Variants in SLC9A3 observed in about 807,000 individuals in gnomAD.
SLC9A3 encodes sodium/hydrogen exchanger 3.
SLC9A3 carries 37 observed loss-of-function variants against 86.8 expected under a neutral mutation model. That is an observed-to-expected ratio of 0.43 (90% CI 0.33 to 0.56). The LOEUF is 0.56. Among genes scored for constraint, SLC9A3 ranks in the 20% least tolerant of loss-of-function variants. SLC9A3 has a pLI of 0.06. For missense variants in SLC9A3, 1,011 were observed against 1,171.9 expected, an observed-to-expected ratio of 0.86 and a Z score of 2.00; for synonymous variants, 581 against 528.3, an observed-to-expected ratio of 1.10 and a Z score of -1.37.
chr5:479,982 T>G lies in SLC9A3; in HGVS notation c.1518-17A>C. On this transcript the variant is annotated splice_polypyrimidine_tract_variant and intron_variant, in intron 9 of 16. Transcript: ENST00000264938. ...TGGGACCACCTGTAGGGACAGACCT[T>G]GGGTGTGAGCCTCAGGTGACAGGCG... 1 of 1,609,814 alleles carries G rather than the reference T, an allele frequency of 6.2e-7. No homozygotes were observed. Among genetic ancestry groups the G allele is most frequent in the Non-Finnish European group, 8.5e-7 (1 of 1,176,980 alleles).
At chr5:484,423 G>C (rs1305075811) in intron 5 of SLC9A3, 97 bp downstream of exon 5, 1 of 983,142 alleles carries the variant, frequency 1.0e-6, no homozygotes, top group Non-Finnish European at 1.5e-6. Context: ...GCTCGGGTTG[G>C]GGTCCCCCTG....
intron 7 of SLC9A3, 47 bp downstream of exon 7, chr5:482,501 C>A: frequency 1.3e-6 from 2 of 1,512,040 alleles, no homozygotes; most frequent in South Asian, 1.2e-5. Flanking sequence ...CCAGGCTCCC[C>A]TCGCGGGCGG....
rs1474299064 is a variant in SLC9A3, at chr5:475,672, C to G, written c.2141-1G>C. 3.3e-6 allele frequency: 5 copies of G among 1,528,644 alleles called. No individual in the cohort carries two copies. The highest frequency in any genetic ancestry group is 3.6e-6 in the Non-Finnish European group (4 of 1,125,842). The allele number at this position is 1,528,644 out of a possible 1,614,324, so 94.7% of individuals were successfully genotyped here. ...TCCTCGGTGTCTGAAAGTTCCAAGT[C>G]TGGGGAAGACAGGTTGGGGTGAGGA... On this transcript the variant is annotated splice_acceptor_variant, in intron 14 of 16. Coordinates refer to ENST00000264938, the MANE Select transcript of SLC9A3 (RefSeq NM_004174.4). LOFTEE classifies it high-confidence loss of function.
rs1738314092 is a variant in SLC9A3, at chr5:470,793, A to ACTG, written c.*2585_*2586insCAG. 6.6e-6 allele frequency: 1 copy of ACTG among 152,514 alleles called. No homozygotes were observed. Among genetic ancestry groups the ACTG allele is most frequent in the Non-Finnish European group, 1.5e-5 (1 of 68,040 alleles). 9.4% of individuals were successfully genotyped at this position (152,514 alleles called of 1,614,324 possible). A position where few individuals can be genotyped will look rare whatever the true frequency, so the allele number is the denominator to read the frequency against. ...CTGTAACAAAATTATTTTTGAGAAA[A>ACTG]TACAGAAGTGAGAAATAGTGATTTC... On this transcript the variant is annotated 3_prime_UTR_variant, in exon 17 of 17. Transcript: ENST00000264938.
At chr5:507,026 G>A (rs998737359) in intron 1 of SLC9A3, among the ~76,000 whole-genome samples, 1 of 150,758 alleles carries the variant, frequency 6.6e-6, no homozygotes, top group Non-Finnish European at 1.5e-5. Context: ...AGCCGAGATC[G>A]AGATTGGGCC....
chr5:493,898 G>C (rs994553044), intron 1 of SLC9A3, among the ~76,000 whole-genome samples: 3 of 152,334 alleles, frequency 2.0e-5, no homozygotes, highest in African/African-American at 7.2e-5. Context: ...GGGTTGGCCC[G>C]GGGAGGCTGG....
chr5:508,367 G>A (rs544489607), intron 1 of SLC9A3, among the ~76,000 whole-genome samples: 119 of 128,172 alleles, frequency 9.3e-4, no homozygotes, highest in Non-Finnish European at 1.8e-3. Context: ...CAGCGCGCCC[G>A]GGGATGGAGA....
intron 11 of SLC9A3, 76 bp downstream of exon 11, chr5:477,256 C>A: frequency 9.3e-7 from 1 of 1,075,788 alleles, no homozygotes; most frequent in Non-Finnish European, 1.4e-6. Context: ...CAGGAGCCAC[C>A]ACAGCCCTGT....
At position 497,857 on chromosome 5, in the gene SLC9A3, C is replaced by T. The variant is rs1389318963; in HGVS notation, c.212-5786G>A. Among the ~76,000 whole-genome samples, 1 of 114,450 alleles carries T rather than the reference C, an allele frequency of 8.7e-6. No individual in the cohort carries two copies. Among genetic ancestry groups the T allele is most frequent in the Non-Finnish European group, 1.8e-5 (1 of 55,274 alleles). 75.1% of individuals were successfully genotyped at this position (114,450 alleles called of 152,430 possible). A position where few individuals can be genotyped will look rare whatever the true frequency, so the allele number is the denominator to read the frequency against. On this transcript the variant is annotated intron_variant, in intron 1 of 16. Coordinates refer to ENST00000264938, the MANE Select transcript of SLC9A3 (RefSeq NM_004174.4). The surrounding 1 kb of genome is among the most constrained non-coding windows in gnomAD (Gnocchi z 5.4). ...CCTCTGCCCCTGTCCCGGGTGGGGTCGCCCGGCCGCATCCCCAGCCTCTGC... is the reference window on the plus strand; with the variant it reads ...CCTCTGCCCCTGTCCCGGGTGGGGTTGCCCGGCCGCATCCCCAGCCTCTGC...
At position 494,874 on chromosome 5, in the gene SLC9A3, G is replaced by T. The variant is rs1031840539; in HGVS notation, c.212-2803C>A. Among the ~76,000 whole-genome samples the T allele has an allele frequency of 3.1e-4, 47 of 152,214 alleles. 1 individual carries two copies. The highest frequency in any genetic ancestry group is 2.2e-4 in the Non-Finnish European group (15 of 68,034). ...CCCAGGCCGCTGTTTTCTACACGAT[G>T]CACGTTCTTTGCCTCTGCCCACGTC... On this transcript the variant is annotated intron_variant, in intron 1 of 16. Transcript: ENST00000264938.
chr5:511,602 C>T (rs189042320), intron 1 of SLC9A3, among the ~76,000 whole-genome samples: 1 of 152,374 alleles, frequency 6.6e-6, no homozygotes, highest in Non-Finnish European at 1.5e-5. Flanking sequence ...CCACCACGTA[C>T]CCGTCAGCGT....
At chr5:486,885 C>T (rs1273689507) in intron 3 of SLC9A3, among the ~76,000 whole-genome samples, 4 of 139,534 alleles carry the variant, frequency 2.9e-5, no homozygotes, top group African/African-American at 1.1e-4. Flanking sequence ...TGACACCCAC[C>T]GCACTGACAC....
At chr5:520,080 G>A (rs1332156485) in intron 1 of SLC9A3, among the ~76,000 whole-genome samples, 1 of 151,674 alleles carries the variant, frequency 6.6e-6, no homozygotes, top group Non-Finnish European at 1.5e-5. Context: ...CCACTGTCCT[G>A]GTTTCCCCGT....
In SLC9A3 at chr5:482,046, CGCCCCCCA is replaced by C; in HGVS notation, c.1446+14_1446+21del. ...CGAGGAACACGCAGTGCCCCCCCCC[CGCCCCCCA>C]GCCCCGCACTTACGCGCCCGTGCAG... On this transcript the variant is annotated intron_variant, in intron 8 of 16. Coordinates refer to ENST00000264938, the MANE Select transcript of SLC9A3 (RefSeq NM_004174.4). The C allele has an allele frequency of 1.4e-6, 1 of 701,680 alleles. No individual in the cohort carries two copies. The highest frequency in any genetic ancestry group is 3.1e-5 in the East Asian group (1 of 31,968). The allele number at this position is 701,680 out of a possible 1,614,324, so 43.5% of individuals were successfully genotyped here. A position where few individuals can be genotyped will look rare whatever the true frequency, so the allele number is the denominator to read the frequency against.
Position 491,526 on chromosome 5 carries a change from G to A in SLC9A3, c.514+243C>T, listed in dbSNP as rs1579793730. On this transcript the variant is annotated intron_variant, in intron 2 of 16. Transcript: ENST00000264938. The surrounding 1 kb of genome is among the most constrained non-coding windows in gnomAD (Gnocchi z 9.2). The stretch of plus-strand genomic sequence containing the variant: ...GAGCGGCAGCCCCTGGCCACCTGCA[G>A]CCCCCAAGCCGAGCTGCCGAGATGG... Among the ~76,000 whole-genome samples, 1 of 152,012 alleles carries A rather than the reference G, an allele frequency of 6.6e-6. No individual in the cohort carries two copies. Among genetic ancestry groups the A allele is most frequent in the South Asian group, 2.1e-4 (1 of 4,814 alleles).
At position 522,694 on chromosome 5, in the gene SLC9A3, G is replaced by A. The variant is rs147763297; in HGVS notation, c.211+1418C>T. On this transcript the variant is annotated intron_variant, in intron 1 of 16. Transcript: ENST00000264938. ...GTGGAGGTTGCAGTGAGCCGAGATC[G>A]CGTCATTGCACTCCAGCCTGGGCAA... 5.5e-3 allele frequency among the ~76,000 whole-genome samples: 820 copies of A among 149,932 alleles called. 10 individuals are homozygous for A. Among genetic ancestry groups the A allele is most frequent in the African/African-American group, 0.018 (736 of 40,466 alleles).
intron 2 of SLC9A3, among the ~76,000 whole-genome samples, chr5:489,009 G>A (rs563071509): frequency 8.5e-5 from 13 of 152,302 alleles, no homozygotes; most frequent in East Asian, 3.9e-4. Flanking sequence ...CCTAGCTCCC[G>A]GCCGGCTTCC....
rs1255906825 is a variant in SLC9A3 at position 491,173 on chromosome 5, C to T, written c.514+596G>A. On this transcript the variant is annotated intron_variant, in intron 2 of 16. Transcript: ENST00000264938. The surrounding 1 kb of genome is among the most constrained non-coding windows in gnomAD (Gnocchi z 9.2). ...TCAAAGCTAGGCTCTGCCTGAGGTCCCTGGACCCACCTGGTCAAAGCTGTA... is the reference window on the plus strand; with the variant it reads ...TCAAAGCTAGGCTCTGCCTGAGGTCTCTGGACCCACCTGGTCAAAGCTGTA... Among the ~76,000 whole-genome samples, 1 of 152,156 alleles carries T rather than the reference C, an allele frequency of 6.6e-6. No homozygotes were observed. The highest frequency in any genetic ancestry group is 1.5e-5 in the Non-Finnish European group (1 of 68,024).
Position 475,596 on chromosome 5 carries a change from C to G in SLC9A3, c.2216G>C (p.Ser739Thr). Reference protein sequence around the residue: ...EMSGGIEFLASVTKDTASDSP... With the variant: ...EMSGGIEFLATVTKDTASDSP... ...GTCGGACGCTGTGTCCTTGGTGACA[C>G]TAGCCAGGAACTCGATCCCCCCACT... The change falls in exon 15 of 17, where the codon AGT becomes ACT. Residue 739 changes from serine (S) to threonine (T), a missense_variant. Coordinates refer to ENST00000264938, the MANE Select transcript of SLC9A3 (RefSeq NM_004174.4). 6 of 1,552,288 alleles carry G rather than the reference C, an allele frequency of 3.9e-6. No individual in the cohort carries two copies. Among genetic ancestry groups the G allele is most frequent in the Non-Finnish European group, 5.2e-6 (6 of 1,146,946 alleles).
Sources: gnomAD v4.1 joint callset for allele counts (sites outside exome capture counted in the v4.1 genomes callset) on GRCh38, gnomAD v4.1.1 for gene constraint, Gnocchi (gnomAD v3.1) non-coding constraint, MANE v1.5 for transcripts, NCBI Gene and HGNC (gene_info 2026-07-23, HGNC 2026-07-21) for gene names.